The following DPP6 variants were observed in gnomAD, a reference collection of about 807,000 sequenced individuals.
DPP6 encodes A-type potassium channel modulatory protein DPP6.
DPP6 carries 69 observed loss-of-function variants against 122.6 expected under a neutral mutation model. The ratio of observed to expected loss-of-function variants is 0.56; its 90% confidence interval spans 0.46 to 0.69. The LOEUF is 0.69. Among genes scored for constraint, DPP6 ranks in the 30% least tolerant of loss-of-function variants. The pLI is 0.00. For missense variants in DPP6, 928 were observed against 1,116.9 expected (o/e 0.83, Z 2.41); for synonymous variants, 418 against 433.1 (o/e 0.97, Z 0.43).
At chr7:154,224,390 G>C (rs1248585891) in intron 1 of DPP6, among the ~76,000 whole-genome samples, 2 of 148,852 alleles carry the variant, frequency 1.3e-5, no homozygotes, top group Non-Finnish European at 2.9e-5. Context: ...ACTGATTTTG[G>C]GTTGTTAGGA....
chr7:154,573,919 G>C (rs2130589079), intron 5 of DPP6, among the ~76,000 whole-genome samples: 1 of 152,318 alleles, frequency 6.6e-6, no homozygotes, highest in Non-Finnish European at 1.5e-5. Context: ...TCAGAGGAAA[G>C]AGATTGTTTC....
At chr7:154,302,983 G>T (rs988937459) in intron 1 of DPP6, among the ~76,000 whole-genome samples, 8 of 151,942 alleles carry the variant, frequency 5.3e-5, no homozygotes, top group South Asian at 2.1e-4. Flanking sequence ...TAGTTTTTTT[G>T]TTTGTTTGTT....
Position 154,483,363 on chromosome 7 carries a change from T to G in DPP6, c.457+8326T>G, listed in dbSNP as rs1823492352. Among the ~76,000 whole-genome samples, 1 of 150,942 alleles carries G rather than the reference T, an allele frequency of 6.6e-6. No homozygotes were observed. The highest frequency in any genetic ancestry group is 1.5e-5 in the Non-Finnish European group (1 of 67,904). ...ATTTAAATTGTTTATTTCTTTCTGT[T>G]AAAGGTAAACTGAGGCACAATACAA... is the stretch of plus-strand genomic sequence containing the variant. On this transcript the variant is annotated intron_variant, in intron 3 of 25. Transcript: ENST00000377770. The surrounding 1 kb of genome is among the most constrained non-coding windows in gnomAD (Gnocchi z 8.1).
upstream of DPP6, among the ~76,000 whole-genome samples, chr7:153,885,034 G>A (rs1261034047): frequency 1.7e-5 from 2 of 119,180 alleles, no homozygotes; most frequent in Non-Finnish European, 3.4e-5. Flanking sequence ...TTGTCTTCTT[G>A]ATTTTTCCTC....
intron 1 of DPP6, among the ~76,000 whole-genome samples, chr7:154,215,227 G>T (rs1799936922): frequency 6.6e-6 from 1 of 152,170 alleles, no homozygotes; most frequent in South Asian, 2.1e-4. Context: ...GACAAAGCAT[G>T]CAGGGGAAAC....
Position 154,893,396 on chromosome 7 carries a change from C to T in DPP6, c.*916C>T, listed in dbSNP as rs563123182. 7.3e-6 allele frequency: 1 copy of T among 136,234 alleles called. No individual in the cohort carries two copies. Among genetic ancestry groups the T allele is most frequent in the African/African-American group, 2.7e-5 (1 of 36,556 alleles). The allele number at this position is 136,234 out of a possible 1,614,324, so 8.4% of individuals were successfully genotyped here. ...CACTGTCTATTTACATCCGTCCTTACAACCATCCTTGTCCTCCTTGGTACC... is the reference window on the plus strand; with the variant it reads ...CACTGTCTATTTACATCCGTCCTTATAACCATCCTTGTCCTCCTTGGTACC... On this transcript the variant is annotated 3_prime_UTR_variant, in exon 26 of 26. Coordinates refer to ENST00000377770, the MANE Select transcript of DPP6 (RefSeq NM_130797.4).
In DPP6 at chr7:154,230,139, T is replaced by TCCTCCAACCCCTC. The variant is rs1272464715; in HGVS notation, c.243+177082_243+177094dup. ...CTTCTCTGCACCCTCCTCCGCACCC[T>TCCTCCAACCCCTC]CCTCCAACCCCTCCCTCCTATCCTC... is the stretch of plus-strand genomic sequence containing the variant. On this transcript the variant is annotated intron_variant, in intron 1 of 25. Transcript: ENST00000377770. 9.9e-5 allele frequency among the ~76,000 whole-genome samples: 15 copies of TCCTCCAACCCCTC among 152,080 alleles called. No homozygotes were observed. In the East Asian group the frequency reaches 1.9e-3, roughly 20 times the overall value.
intron 7 of DPP6, among the ~76,000 whole-genome samples, chr7:154,706,699 C>T (rs182091926): frequency 6.6e-6 from 1 of 152,328 alleles, no homozygotes; most frequent in Non-Finnish European, 1.5e-5. Flanking sequence ...GGACACTGAA[C>T]ACGTACTATC....
At chr7:153,898,056 G>T (rs1235517374) in intron 1 of DPP6, among the ~76,000 whole-genome samples, 2 of 152,226 alleles carry the variant, frequency 1.3e-5, no homozygotes, top group Non-Finnish European at 2.9e-5. Flanking sequence ...CCATCAAGAG[G>T]TTGGTTAGTG....
intron 6 of DPP6, among the ~76,000 whole-genome samples, chr7:154,665,505 T>C (rs1365876601): frequency 1.3e-5 from 2 of 152,196 alleles, no homozygotes; most frequent in African/African-American, 4.8e-5. Flanking sequence ...TAGTATTCCA[T>C]TGCTTTCTGG....
rs879822533 is a variant in DPP6 at position 154,481,316 on chromosome 7, G to A, written c.457+6279G>A. ...AATTCTCTAGCTCAAATGCTCTTCC[G>A]AGCTATACACTTGGAGAGAGAGAGA... On this transcript the variant is annotated intron_variant, in intron 3 of 25. Transcript: ENST00000377770. The surrounding 1 kb of genome is among the most constrained non-coding windows in gnomAD (Gnocchi z 4.2). Among the ~76,000 whole-genome samples the A allele has an allele frequency of 1.3e-5, 2 of 151,384 alleles. No individual in the cohort carries two copies. The highest frequency in any genetic ancestry group is 2.4e-5 in the African/African-American group (1 of 41,092).
chr7:154,064,614 C>T (rs553290639), intron 1 of DPP6, among the ~76,000 whole-genome samples: 9 of 151,994 alleles, frequency 5.9e-5, no homozygotes, highest in Middle Eastern at 3.4e-3. Context: ...CATGATGTTC[C>T]CAAAACTCTT....
chr7:154,821,636 A>ATATATACACACACATAT lies in DPP6; in HGVS notation c.1666+14530_1666+14531insCACACACATATTATATA, dbSNP rs1799771195. Reference sequence around the variant, plus strand: ...ATATATATTTTTTTTCTGTATATATATATATATATACACATATATATATAT... The same window carrying ATATATACACACACATAT: ...ATATATATTTTTTTTCTGTATATATATATATACACACACATATTATATATATACACATATATATATAT... On this transcript the variant is annotated intron_variant, in intron 16 of 25. Coordinates refer to ENST00000377770, the MANE Select transcript of DPP6 (RefSeq NM_130797.4). This position sits in a 1 kb window ranked among gnomAD's most constrained non-coding sequence, Gnocchi z 4.2. 1.0e-5 allele frequency among the ~76,000 whole-genome samples: 1 copy of ATATATACACACACATAT among 98,522 alleles called. No individual in the cohort carries two copies. Among genetic ancestry groups the ATATATACACACACATAT allele is most frequent in the Non-Finnish European group, 1.9e-5 (1 of 51,390 alleles). The allele number at this position is 98,522 out of a possible 152,430, so 64.6% of individuals were successfully genotyped here.
At chr7:154,789,242 T>G (rs969594317) in intron 10 of DPP6, among the ~76,000 whole-genome samples, 1 of 152,232 alleles carries the variant, frequency 6.6e-6, no homozygotes, top group Non-Finnish European at 1.5e-5. Context: ...GTTGACATTT[T>G]TTTTTCTACC....
Position 154,052,569 on chromosome 7 carries a change from A to G in DPP6, c.-252A>G, listed in dbSNP as rs1289890759. The G allele has an allele frequency of 8.7e-7, 1 of 1,148,394 alleles. No homozygotes were observed. The highest frequency in any genetic ancestry group is 1.1e-6 in the Non-Finnish European group (1 of 913,124). 71.1% of individuals were successfully genotyped at this position (1,148,394 alleles called of 1,614,324 possible). On this transcript the variant is annotated 5_prime_UTR_variant, in exon 1 of 26. Transcript: ENST00000377770. This position sits in a 1 kb window ranked among gnomAD's most constrained non-coding sequence, Gnocchi z 4.8. ...AACAGGAAAGAGAGAAAGCACAGCC[A>G]GAGCCCCGGCTTCGCGAGCCGCCGG...
At chr7:154,626,313 T>G (rs555683366) in intron 5 of DPP6, among the ~76,000 whole-genome samples, 42 of 152,370 alleles carry the variant, frequency 2.8e-4, no homozygotes, top group African/African-American at 9.6e-4. Context: ...CAGATGTTTT[T>G]GAAACGCATA....
At chr7:154,564,222 T>C (rs1353569805) in intron 4 of DPP6, among the ~76,000 whole-genome samples, 1 of 151,702 alleles carries the variant, frequency 6.6e-6, no homozygotes, top group Non-Finnish European at 1.5e-5. Context: ...GTGGTGGGGG[T>C]GAGAGCATGA....
chr7:154,418,886 C>T (rs2151222042), intron 1 of DPP6, among the ~76,000 whole-genome samples: 1 of 152,298 alleles, frequency 6.6e-6, no homozygotes, highest in South Asian at 2.1e-4. Flanking sequence ...GTTCAAGTAC[C>T]ACCAGCCAGG....
intron 1 of DPP6, among the ~76,000 whole-genome samples, chr7:153,889,006 C>T (rs1037007182): frequency 2.0e-5 from 3 of 152,154 alleles, no homozygotes; most frequent in Admixed American, 6.5e-5. Flanking sequence ...CTGGCTTAAC[C>T]ACACCCACGG....
Sources: gnomAD v4.1 joint callset for allele counts (sites outside exome capture counted in the v4.1 genomes callset) on GRCh38, gnomAD v4.1.1 for gene constraint, Gnocchi (gnomAD v3.1) non-coding constraint, MANE v1.5 for transcripts, NCBI Gene and HGNC (gene_info 2026-07-23, HGNC 2026-07-21) for gene names.